Variants in MARCHF4 observed in about 807,000 individuals in gnomAD.
MARCHF4 encodes the protein membrane associated ring-CH-type finger 4.
A neutral mutation model predicts 43.9 loss-of-function variants in MARCHF4; 14 were observed. The observed-to-expected ratio is 0.32, with a 90% CI of 0.21 to 0.50. The LOEUF (loss-of-function observed/expected upper bound fraction) is 0.50. MARCHF4 is among the 20% of genes least tolerant of loss of function. The pLI is 0.98. For synonymous variants in MARCHF4, 226 were observed against 213.3 expected (o/e 1.06, Z -0.52); for missense variants, 468 against 536.7 (o/e 0.87, Z 1.27).
At chr2:216,331,985 A>G (rs1692087037) in intron 1 of MARCHF4, among the ~76,000 whole-genome samples, 1 of 152,220 alleles carries the variant, frequency 6.6e-6, no homozygotes, top group Non-Finnish European at 1.5e-5. Context: ...AAAACAATAA[A>G]AACAAATATG....
At chr2:216,321,089 T>C (rs1323540414) in intron 1 of MARCHF4, among the ~76,000 whole-genome samples, 3 of 152,062 alleles carry the variant, frequency 2.0e-5, no homozygotes, top group African/African-American at 7.2e-5. Context: ...AACTAGAACT[T>C]TGGAGCGAGA....
intron 1 of MARCHF4, among the ~76,000 whole-genome samples, chr2:216,326,418 C>G (rs1337745442): frequency 3.4e-5 from 5 of 148,794 alleles, no homozygotes; most frequent in African/African-American, 5.0e-5. Flanking sequence ...CCTCAGGGAT[C>G]TAGAACTAGA....
At position 216,292,816 on chromosome 2, in the gene MARCHF4, T is replaced by A. The variant is rs1439501467; in HGVS notation, c.517-9087A>T. 2.0e-5 allele frequency among the ~76,000 whole-genome samples: 3 copies of A among 152,168 alleles called. No individual in the cohort carries two copies. In the East Asian group the frequency reaches 5.8e-4, roughly 29 times the overall value. On this transcript the variant is annotated intron_variant, in intron 1 of 3. Coordinates refer to ENST00000273067, the MANE Select transcript of MARCHF4 (RefSeq NM_020814.3). ...GCTAGGAGAAACCAGAAGATTCCAGTGTCTTCTTCCTTCAGGACACCAGGC... is the reference window on the plus strand; with the variant it reads ...GCTAGGAGAAACCAGAAGATTCCAGAGTCTTCTTCCTTCAGGACACCAGGC...
chr2:216,359,806 C>T (rs556032676), intron 1 of MARCHF4, among the ~76,000 whole-genome samples: 1 of 152,316 alleles, frequency 6.6e-6, no homozygotes, highest in South Asian at 2.1e-4. Flanking sequence ...TGTACTTCTT[C>T]CCCTAAGTTA....
At chr2:216,365,416 A>G (rs942435769) in intron 1 of MARCHF4, among the ~76,000 whole-genome samples, 4 of 152,184 alleles carry the variant, frequency 2.6e-5, no homozygotes, top group Non-Finnish European at 4.4e-5. Context: ...GGTGGATTTC[A>G]TCTTTGTACC....
intron 1 of MARCHF4, among the ~76,000 whole-genome samples, chr2:216,354,983 C>CTTTCTTTA (rs1559106750): frequency 1.0e-5 from 1 of 96,948 alleles, no homozygotes; most frequent in East Asian, 2.6e-4. Flanking sequence ...TTCTTTCTTT[C>CTTTCTTTA]TTTTTTGAGA....
intron 1 of MARCHF4, among the ~76,000 whole-genome samples, chr2:216,302,436 G>T (rs1050463604): frequency 4.7e-5 from 7 of 149,208 alleles, no homozygotes; most frequent in Non-Finnish European, 7.4e-5. Flanking sequence ...CACCATGTTA[G>T]CCAGGATGGT....
At chr2:216,314,426 C>A (rs756178293) in intron 1 of MARCHF4, among the ~76,000 whole-genome samples, 4 of 151,462 alleles carry the variant, frequency 2.6e-5, no homozygotes, top group Non-Finnish European at 5.9e-5. Context: ...AGGGTTCAAG[C>A]AATTCTCCCA....
intron 1 of MARCHF4, among the ~76,000 whole-genome samples, chr2:216,332,520 A>C (rs1276198199): frequency 1.4e-5 from 2 of 147,658 alleles, no homozygotes; most frequent in East Asian, 3.9e-4. Flanking sequence ...GTGCCAGTGC[A>C]AAAAAAAAGG....
At chr2:216,294,195 C>T (rs1197595824) in intron 1 of MARCHF4, among the ~76,000 whole-genome samples, 1 of 152,206 alleles carries the variant, frequency 6.6e-6, no homozygotes, top group Non-Finnish European at 1.5e-5. Flanking sequence ...AGAAATCAAG[C>T]CAAGGCAAAG....
chr2:216,363,203 G>A (rs1213985576), intron 1 of MARCHF4, among the ~76,000 whole-genome samples: 4 of 152,132 alleles, frequency 2.6e-5, no homozygotes, highest in Non-Finnish European at 4.4e-5. Context: ...CTCAATGGGG[G>A]CCTCAGCTAG....
rs574414267 is a variant in MARCHF4, at chr2:216,359,020, G to T, written c.516+10725C>A. ...TACCCTCAGAACATAATTCAGGAGT[G>T]GGAATTTATGGTTGTATTAGTCAGG... is the stretch of plus-strand genomic sequence containing the variant. On this transcript the variant is annotated intron_variant, in intron 1 of 3. Transcript: ENST00000273067. Among the ~76,000 whole-genome samples the T allele has an allele frequency of 5.9e-5, 9 of 152,308 alleles. No individual in the cohort carries two copies. The South Asian group carries it at 1.7e-3, about 28-fold the overall frequency.
At chr2:216,269,957 C>T (rs1031287314) in intron 3 of MARCHF4, among the ~76,000 whole-genome samples, 1 of 152,196 alleles carries the variant, frequency 6.6e-6, no homozygotes. Flanking sequence ...CAGCCACATA[C>T]TCTCTGAGCA....
intron 1 of MARCHF4, among the ~76,000 whole-genome samples, chr2:216,339,581 G>T (rs1276247138): frequency 6.6e-6 from 1 of 152,080 alleles, no homozygotes; most frequent in African/African-American, 2.4e-5. Flanking sequence ...TTCTCTCTTG[G>T]CTGCTCAGTG....
chr2:216,314,061 G>C (rs896266946), intron 1 of MARCHF4, among the ~76,000 whole-genome samples: 5 of 152,162 alleles, frequency 3.3e-5, no homozygotes, highest in African/African-American at 1.2e-4. Context: ...AAGACAGCTA[G>C]TCTGCATTGT....
chr2:216,361,433 G>A (rs1203160852), intron 1 of MARCHF4, among the ~76,000 whole-genome samples: 1 of 152,118 alleles, frequency 6.6e-6, no homozygotes, highest in Non-Finnish European at 1.5e-5. Flanking sequence ...TACATATTGG[G>A]CAACTGTTTC....
At chr2:216,325,702 A>C (rs1574478085) in intron 1 of MARCHF4, among the ~76,000 whole-genome samples, 2 of 151,520 alleles carry the variant, frequency 1.3e-5, no homozygotes, top group East Asian at 3.9e-4. Flanking sequence ...AAAAACAAGC[A>C]ATGGGGAAAG....
At chr2:216,339,496 T>TAAATATGTCAAAAC (rs1372183955) in intron 1 of MARCHF4, among the ~76,000 whole-genome samples, 7 of 152,188 alleles carry the variant, frequency 4.6e-5, no homozygotes, top group African/African-American at 1.7e-4. Context: ...CATTTTTTAG[T>TAAATATGTCAAAAC]AAATATGTCA....
intron 1 of MARCHF4, among the ~76,000 whole-genome samples, chr2:216,304,561 C>A (rs1358724028): frequency 6.6e-6 from 1 of 152,216 alleles, no homozygotes; most frequent in African/African-American, 2.4e-5. Context: ...TCTCCTTGCA[C>A]TCTCATCCAA....
Sources: allele counts gnomAD v4.1 joint callset (sites outside exome capture counted in the v4.1 genomes callset), GRCh38; gene constraint gnomAD v4.1.1; transcripts MANE v1.5; gene names NCBI Gene and HGNC (gene_info 2026-07-23, HGNC 2026-07-21).